SYVN1: variants seen among roughly 807,000 people sequenced by gnomAD.
SYVN1 encodes E3 ubiquitin-protein ligase synoviolin.
In SYVN1, 17 loss-of-function variants were observed where a neutral mutation model predicts 62.6. The observed-to-expected ratio is 0.27, with a 90% CI of 0.19 to 0.41. The LOEUF is 0.41. SYVN1 is among the 10% of genes least tolerant of loss of function. SYVN1 has a pLI of 1.00. For missense variants in SYVN1, 634 were observed against 818.0 expected, an observed-to-expected ratio of 0.78 and a Z score of 2.74; for synonymous variants, 316 against 304.0, an observed-to-expected ratio of 1.04 and a Z score of -0.41.
At position 65,132,370 on chromosome 11, in the gene SYVN1, A is replaced by C; in HGVS notation, c.428-19T>G. 1.3e-6 allele frequency: 2 copies of C among 1,525,678 alleles called. No homozygotes were observed. Among genetic ancestry groups the C allele is most frequent in the Non-Finnish European group, 1.8e-6 (2 of 1,099,498 alleles). The allele number at this position is 1,525,678 out of a possible 1,614,324, so 94.5% of individuals were successfully genotyped here. Reference sequence around the variant, plus strand: ...ATAAGAGCTGTGGGGACCCCCACACATGCAGGGTGGGGGGGTCAGCCCAGG... The same window carrying C: ...ATAAGAGCTGTGGGGACCCCCACACCTGCAGGGTGGGGGGGTCAGCCCAGG... On this transcript the variant is annotated intron_variant, in intron 5 of 15. Transcript: ENST00000377190.
In SYVN1 at chr11:65,130,015, C is replaced by T; in HGVS notation, c.1395G>A (p.Leu465=). Residue 465 remains leucine, a synonymous_variant, in exon 13 of 16, where the codon CTG becomes CTA. Transcript: ENST00000377190. The part of the protein sequence containing the change: ...PFPPPWMGMP[L]PPPFAFPPMP... ...GGCCCAGCTTACCAAAGGGTGGAGG[C>T]AGGGGCATACCCATCCAGGGAGGAG... 6.3e-7 allele frequency: 1 copy of T among 1,595,536 alleles called. No individual in the cohort carries two copies. The highest frequency in any genetic ancestry group is 8.6e-7 in the Non-Finnish European group (1 of 1,168,416).
At chr11:65,128,927 T>C in intron 14 of SYVN1, 2 of 594,424 alleles carry the variant, frequency 3.4e-6, no homozygotes, top group Non-Finnish European at 2.9e-6. Flanking sequence ...TGTAAGGTGC[T>C]TGCAGGCAGG....
At position 65,132,390 on chromosome 11, in the gene SYVN1, C is replaced by T. The variant is rs371789263; in HGVS notation, c.428-39G>A. On this transcript the variant is annotated intron_variant, in intron 5 of 15. Transcript: ENST00000377190. Reference sequence around the variant, plus strand: ...CACACATGCAGGGTGGGGGGGTCAGCCCAGGGCCCAACAGCTGTTTAATGC... The same window carrying T: ...CACACATGCAGGGTGGGGGGGTCAGTCCAGGGCCCAACAGCTGTTTAATGC... 5.4e-4 allele frequency: 766 copies of T among 1,422,262 alleles called. 9 individuals carry two copies. The South Asian group carries it at 8.1e-3, about 15-fold the overall frequency. The allele number at this position is 1,422,262 out of a possible 1,614,324, so 88.1% of individuals were successfully genotyped here. A position where few individuals can be genotyped will look rare whatever the true frequency, so the allele number is the denominator to read the frequency against.
chr11:65,130,557 G>A (rs1948164174), intron 11 of SYVN1, 103 bp downstream of exon 11: 10 of 1,441,526 alleles, frequency 6.9e-6, no homozygotes, highest in Non-Finnish European at 9.2e-6. Flanking sequence ...CCCAGACTGA[G>A]ATTCTGGAGG....
In SYVN1 at chr11:65,127,925, G is replaced by C. The variant is rs962076000; in HGVS notation, c.*457C>G. 2.7e-5 allele frequency: 5 copies of C among 186,536 alleles called. No homozygotes were observed. The highest frequency in any genetic ancestry group is 4.5e-5 in the Non-Finnish European group (4 of 89,220). The allele number at this position is 186,536 out of a possible 1,614,324, so 11.6% of individuals were successfully genotyped here. ...GGGTAAGAAAAGGAAATGGGTACCA[G>C]TCTTAGGGGTGGGCCAGCGAGCAAG... On this transcript the variant is annotated 3_prime_UTR_variant, in exon 16 of 16. Transcript: ENST00000377190.
In SYVN1 at chr11:65,130,735, G is replaced by A. The variant is rs750303540; in HGVS notation, c.1030C>T (p.Pro344Ser). 1 of 1,530,044 alleles carries A rather than the reference G, an allele frequency of 6.5e-7. No individual in the cohort carries two copies. The highest frequency in any genetic ancestry group is 8.7e-7 in the Non-Finnish European group (1 of 1,142,952). The allele number at this position is 1,530,044 out of a possible 1,614,324, so 94.8% of individuals were successfully genotyped here. Reference protein sequence around the residue: ...LRASLPAQSPPPPEPADQGPP... With the variant: ...LRASLPAQSPSPPEPADQGPP... ...CCCTGATCCGCAGGCTCCGGGGGTG[G>A]TGGTGACTGCGCTGGCAGCGATGCA... The change falls in exon 11 of 16, where the codon CCA becomes TCA. Residue 344 changes from proline (P) to serine (S), a missense_variant. Pro to Ser is a moderately conservative substitution (Grantham distance 74). Around this residue, in one of 2 missense-constraint regions of SYVN1, gnomAD observed 351 missense variants for 373.3 expected, o/e 0.94. Coordinates refer to ENST00000377190, the MANE Select transcript of SYVN1 (RefSeq NM_172230.3).
intron 1 of SYVN1, among the ~76,000 whole-genome samples, chr11:65,134,003 G>A (rs1321449205): frequency 6.6e-6 from 1 of 152,258 alleles, no homozygotes; most frequent in East Asian, 1.9e-4. Flanking sequence ...GGGCGGGAAT[G>A]CGCAGCCAGG....
chr11:65,128,439 A>G lies in SYVN1; in HGVS notation c.1797T>C (p.Asp599=). The change falls in exon 16 of 16, where the codon GAT becomes GAC. Residue 599 remains aspartate, a synonymous_variant. Coordinates refer to ENST00000377190, the MANE Select transcript of SYVN1 (RefSeq NM_172230.3). ...TEEMPEDGEP[D]AAELRRRRLQ... is the part of the protein sequence containing the mutation. ...GGCGGCGCCGGCGGAGCTCTGCTGC[A>G]TCGGGCTCTCCATCCTCAGGCATCT... The G allele has an allele frequency of 6.2e-7, 1 of 1,614,134 alleles. No homozygotes were observed. Among genetic ancestry groups the G allele is most frequent in the Non-Finnish European group, 8.5e-7 (1 of 1,180,036 alleles).
In SYVN1 at chr11:65,129,987, AGT is replaced by A; in HGVS notation, c.1408+13_1408+14del. ...CCTCACCCCCAAGAAGAACCCAGAG[AGT>A]GGCCCAGCTTACCAAAGGGTGGAGG... On this transcript the variant is annotated intron_variant, in intron 13 of 15. Transcript: ENST00000377190. The A allele has an allele frequency of 1.3e-6, 2 of 1,595,258 alleles. No individual in the cohort carries two copies.
Position 65,132,368 on chromosome 11 carries a change from A to AGCT in SYVN1, c.428-18_428-17insAGC. 6.4e-7 allele frequency: 1 copy of AGCT among 1,569,504 alleles called. No individual in the cohort carries two copies. Among genetic ancestry groups the AGCT allele is most frequent in the Non-Finnish European group, 8.8e-7 (1 of 1,139,566 alleles). On this transcript the variant is annotated splice_polypyrimidine_tract_variant and intron_variant, in intron 5 of 15. Transcript: ENST00000377190. ...ACATAAGAGCTGTGGGGACCCCCAC[A>AGCT]CATGCAGGGTGGGGGGGTCAGCCCA...
chr11:65,133,860 C>A (rs1413190889), intron 1 of SYVN1, among the ~76,000 whole-genome samples: 1 of 152,234 alleles, frequency 6.6e-6, no homozygotes, highest in Non-Finnish European at 1.5e-5. Context: ...GGGCTCTTTC[C>A]ACGCTGCCTG....
At position 65,129,908 on chromosome 11, in the gene SYVN1, G is replaced by A. The variant is rs1046202724; in HGVS notation, c.1416C>T (p.Pro472=). Residue 472 remains proline, a synonymous_variant, in exon 14 of 16, where the codon CCC becomes CCT. Transcript: ENST00000377190. ...AGCCCGCAGGGGGCACAGGCATTGG[G>A]GGGAAGGCTGGAGAGAGAGAGGCTC... ...GMPLPPPFAF[P]PMPVPPAGFA... is the part of the protein sequence containing the mutation. 1.2e-6 allele frequency: 2 copies of A among 1,613,542 alleles called. No individual in the cohort carries two copies. Among genetic ancestry groups the A allele is most frequent in the African/African-American group, 1.3e-5 (1 of 75,056 alleles).
Position 65,129,758 on chromosome 11 carries a change from G to A in SYVN1, c.1566C>T (p.Asn522=), listed in dbSNP as rs1948149889. Reference sequence around the variant, plus strand: ...AGGAGGCCAGCACGGTGAGGTACTGGTTGATCTGCAGCATGGCGGCGTCCA... The same window carrying A: ...AGGAGGCCAGCACGGTGAGGTACTGATTGATCTGCAGCATGGCGGCGTCCA... ...TLLDAAMLQI[N]QYLTVLASLG... is the part of the protein sequence containing the mutation. The change falls in exon 14 of 16, where the codon AAC becomes AAT. Residue 522 remains asparagine (N), a synonymous_variant. Transcript: ENST00000377190. The A allele has an allele frequency of 6.2e-7, 1 of 1,614,104 alleles. No individual in the cohort carries two copies. Among genetic ancestry groups the A allele is most frequent in the Admixed American group, 1.7e-5 (1 of 60,014 alleles).
At position 65,133,147 on chromosome 11, in the gene SYVN1, G is replaced by A. The variant is rs201154076; in HGVS notation, c.225+13C>T. The stretch of plus-strand genomic sequence containing the variant: ...GCACCCTGCCCTCACCTTTGGGGCA[G>A]CCGACATCTTACCTCCATCTCTGCT... On this transcript the variant is annotated intron_variant, in intron 3 of 15. Coordinates refer to ENST00000377190, the MANE Select transcript of SYVN1 (RefSeq NM_172230.3). 74 of 1,614,166 alleles carry A rather than the reference G, an allele frequency of 4.6e-5. No individual in the cohort carries two copies. The African/African-American group carries it at 9.6e-4, about 21-fold the overall frequency.
rs1223769532 is a variant in SYVN1, at chr11:65,133,409, G to T, written c.132+61C>A. 3.1e-6 allele frequency: 5 copies of T among 1,599,964 alleles called. No homozygotes were observed. The Admixed American group carries it at 6.7e-5, about 21-fold the overall frequency. ...TACCTGACCTCTAGCCCCGCCCCTT[G>T]CCCAGGCAGACTCCTCCTTCCCTCC... is the stretch of plus-strand genomic sequence containing the variant. On this transcript the variant is annotated intron_variant, in intron 2 of 15. Coordinates refer to ENST00000377190, the MANE Select transcript of SYVN1 (RefSeq NM_172230.3).
At chr11:65,133,428 T>C in intron 2 of SYVN1, 42 bp downstream of exon 2, 3 of 1,605,770 alleles carry the variant, frequency 1.9e-6, no homozygotes, top group Non-Finnish European at 2.6e-6. Context: ...GACTCCTCCT[T>C]CCCTCCCAGG....
rs199800821 is a variant in SYVN1, at chr11:65,128,712, G to C, written c.1598C>G (p.Pro533Arg). 6 of 1,605,710 alleles carry C rather than the reference G, an allele frequency of 3.7e-6. No individual in the cohort carries two copies. The highest frequency in any genetic ancestry group is 1.7e-5 in the Admixed American group (1 of 58,066). Reference sequence around the variant, plus strand: ...GTTGACTGAAGTGGCAGGCCGGGGGGGCCTGGGAAGAGAAGGGACGAGAGG... The same window carrying C: ...GTTGACTGAAGTGGCAGGCCGGGGGCGCCTGGGAAGAGAAGGGACGAGAGG... ...QYLTVLASLG[P>R]PRPATSVNST... The change falls in exon 15 of 16, where the codon CCC becomes CGC. Residue 533 changes from proline to arginine, a missense_variant and splice_region_variant. Pro to Arg is a moderately radical substitution (Grantham distance 103, BLOSUM62 -2). This residue lies in a region of SYVN1 where 351 missense variants were observed against 373.3 expected (regional missense o/e 0.94). Transcript: ENST00000377190.
intron 2 of SYVN1, 69 bp from the exon 3 acceptor site, chr11:65,133,321 G>C (rs1266607356): frequency 6.3e-7 from 1 of 1,588,402 alleles, no homozygotes; most frequent in African/African-American, 1.3e-5. Context: ...TCATCATGCA[G>C]GATCCTCCAC....
rs772576730 is a variant in SYVN1, at chr11:65,130,128, T to C, written c.1282A>G (p.Thr428Ala). The C allele has an allele frequency of 5.0e-6, 8 of 1,610,376 alleles. No individual in the cohort carries two copies. In the East Asian group the frequency reaches 1.8e-4, roughly 36 times the overall value. The change falls in exon 13 of 16, where the codon ACC becomes GCC. Residue 428 changes from threonine (T) to alanine (A), a missense_variant. Around this residue, in one of 2 missense-constraint regions of SYVN1, gnomAD observed 351 missense variants for 373.3 expected, o/e 0.94. Coordinates refer to ENST00000377190, the MANE Select transcript of SYVN1 (RefSeq NM_172230.3). ...SGAATTTAAG[T>A]SATAASATAS... ...GTGGCAGAAGCAGCAGTAGCACTGG[T>C]GCCAGCAGCTGTGGTTGTAGCTGCT...
Sources: allele counts gnomAD v4.1 joint callset (sites outside exome capture counted in the v4.1 genomes callset), GRCh38; gene constraint gnomAD v4.1.1; regional missense constraint gnomAD v4.1.1; transcripts MANE v1.5; gene names NCBI Gene and HGNC (gene_info 2026-07-23, HGNC 2026-07-21).